ESRRG: variants seen among roughly 807,000 people sequenced by gnomAD.
ESRRG encodes estrogen related receptor gamma.
In ESRRG, 13 loss-of-function variants were observed where a neutral mutation model predicts 44.0. That is an observed-to-expected ratio of 0.30 (90% confidence interval 0.19 to 0.47). The LOEUF is 0.47. Among genes scored for constraint, ESRRG ranks in the 20% least tolerant of loss-of-function variants. ESRRG has a pLI of 1.00. For synonymous variants in ESRRG, 215 were observed against 214.6 expected (o/e 1.00, Z -0.02); for missense variants, 395 against 580.6 (o/e 0.68, Z 3.29).
chr1:216,819,238 A>T (rs1461523555), intron 2 of ESRRG, among the ~76,000 whole-genome samples: 1 of 152,164 alleles, frequency 6.6e-6, no homozygotes, highest in Non-Finnish European at 1.5e-5. Context: ...CCACAACCAC[A>T]ACTCGCCAGC....
At chr1:217,129,740 A>G (rs1313040047) in intron 1 of ESRRG, among the ~76,000 whole-genome samples, 1 of 152,166 alleles carries the variant, frequency 6.6e-6, no homozygotes, top group Non-Finnish European at 1.5e-5. Context: ...CCAACTATAA[A>G]ATGTCCAGAA....
At chr1:216,580,335 G>A (rs1311880002) in intron 3 of ESRRG, among the ~76,000 whole-genome samples, 1 of 151,906 alleles carries the variant, frequency 6.6e-6, no homozygotes, top group African/African-American at 2.4e-5. Context: ...ATGCACCAGT[G>A]TACAGTAAAT....
At chr1:216,934,119 C>T (rs1391133590) in intron 2 of ESRRG, among the ~76,000 whole-genome samples, 1 of 152,158 alleles carries the variant, frequency 6.6e-6, no homozygotes, top group Non-Finnish European at 1.5e-5. Context: ...GTGTATTAGT[C>T]TGTTCTCACG....
chr1:216,938,722 C>T (rs1040958603), intron 2 of ESRRG, among the ~76,000 whole-genome samples: 45 of 152,308 alleles, frequency 3.0e-4, no homozygotes, highest in African/African-American at 1.0e-3. Flanking sequence ...CTACTCTGCA[C>T]TGGCCTCTGC....
chr1:216,817,147 C>T (rs1015351601), intron 2 of ESRRG, among the ~76,000 whole-genome samples: 1 of 151,634 alleles, frequency 6.6e-6, no homozygotes, highest in Non-Finnish European at 1.5e-5. Context: ...ACCCTAAACA[C>T]ACATTCAAAT....
upstream of ESRRG, among the ~76,000 whole-genome samples, chr1:216,728,415 C>T (rs948023179): frequency 4.0e-5 from 6 of 151,650 alleles, no homozygotes; most frequent in African/African-American, 1.5e-4. Flanking sequence ...GGACAAAATC[C>T]CTGTTTTTAA....
intron 2 of ESRRG, among the ~76,000 whole-genome samples, chr1:216,735,246 T>A (rs1306128255): frequency 6.6e-6 from 1 of 151,648 alleles, no homozygotes; most frequent in Non-Finnish European, 1.5e-5. Flanking sequence ...TCTGGCTCTG[T>A]CACCCAGGCT....
intron 2 of ESRRG, among the ~76,000 whole-genome samples, chr1:216,656,895 G>A (rs1399419687): frequency 6.6e-6 from 1 of 152,104 alleles, no homozygotes; most frequent in Non-Finnish European, 1.5e-5. Flanking sequence ...TCCAAGTGGG[G>A]TTTATCCAGT....
intron 2 of ESRRG, among the ~76,000 whole-genome samples, chr1:216,873,457 C>G (rs577693824): frequency 6.6e-6 from 1 of 152,026 alleles, no homozygotes; most frequent in South Asian, 2.1e-4. Context: ...GGTGATCCAC[C>G]TGCCTCAGTC....
intron 2 of ESRRG, among the ~76,000 whole-genome samples, chr1:216,883,152 C>T (rs1448602198): frequency 6.6e-5 from 10 of 151,978 alleles, no homozygotes; most frequent in Admixed American, 5.2e-4. Context: ...CCGAGGCAGG[C>T]GTATCATCTG....
intron 1 of ESRRG, among the ~76,000 whole-genome samples, chr1:216,966,012 A>G (rs1322849485): frequency 1.3e-5 from 2 of 152,156 alleles, no homozygotes; most frequent in African/African-American, 4.8e-5. Flanking sequence ...TGCGCTCCAA[A>G]ATGATACTGA....
intron 1 of ESRRG, among the ~76,000 whole-genome samples, chr1:216,976,523 A>C (rs2072945583): frequency 6.6e-6 from 1 of 152,176 alleles, no homozygotes; most frequent in South Asian, 2.1e-4. Context: ...TTCATAACCC[A>C]GTGTCTCCAT....
At chr1:217,111,149 A>T (rs2102461069) in intron 1 of ESRRG, among the ~76,000 whole-genome samples, 1 of 152,328 alleles carries the variant, frequency 6.6e-6, no homozygotes, top group South Asian at 2.1e-4. Context: ...ACTGGGGACC[A>T]GGAGCCCAGG....
rs2576242 is a variant in ESRRG at position 216,921,776 on chromosome 1, C to T, written c.-14+17806G>A. ...ACTCCTTCCACTGGAATAAAAACTTCAGGAGGGCAGCAATTTGTATTAATT... is the reference window on the plus strand; with the variant it reads ...ACTCCTTCCACTGGAATAAAAACTTTAGGAGGGCAGCAATTTGTATTAATT... On this transcript the variant is annotated intron_variant, in intron 2 of 7. Transcript: ENST00000359162. Among the ~76,000 whole-genome samples the T allele has an allele frequency of 8.1e-3, 1,229 of 152,288 alleles. 18 individuals carry two copies. Among genetic ancestry groups the T allele is most frequent in the African/African-American group, 0.028 (1,164 of 41,548 alleles).
intron 2 of ESRRG, among the ~76,000 whole-genome samples, chr1:216,731,943 G>A (rs2088864055): frequency 6.6e-6 from 1 of 151,832 alleles, no homozygotes; most frequent in African/African-American, 2.4e-5. Context: ...GAATAGACAT[G>A]GATTAATTCA....
chr1:216,813,580 A>T (rs2813674), intron 2 of ESRRG, among the ~76,000 whole-genome samples: 2 of 152,058 alleles, frequency 1.3e-5, no homozygotes, highest in Non-Finnish European at 2.9e-5. Context: ...GAAAATTAAG[A>T]TTCAATTCTT....
chr1:217,024,249 T>C lies in ESRRG; in HGVS notation c.-106+65258A>G, dbSNP rs1442546045. On this transcript the variant is annotated intron_variant, in intron 1 of 7. Transcript: ENST00000359162. ...GGTGGGTGCCTGTAGTCCCAGCTAC[T>C]CGGGAGGCTGAGGCAGGAGAATGGC... Among the ~76,000 whole-genome samples, 3 of 151,794 alleles carry C rather than the reference T, an allele frequency of 2.0e-5. No individual in the cohort carries two copies. In the East Asian group the frequency reaches 5.8e-4, roughly 29 times the overall value.
intron 1 of ESRRG, among the ~76,000 whole-genome samples, chr1:216,983,636 T>C (rs1165513161): frequency 1.3e-5 from 2 of 151,988 alleles, no homozygotes; most frequent in Non-Finnish European, 2.9e-5. Flanking sequence ...GTTGTTATAC[T>C]AGAATTTTAA....
At chr1:217,095,412 G>A (rs2092408722) in intron 1 of ESRRG, among the ~76,000 whole-genome samples, 1 of 152,240 alleles carries the variant, frequency 6.6e-6, no homozygotes, top group Non-Finnish European at 1.5e-5. Context: ...AAGTCTCTGT[G>A]TGCTAAGCAA....
Sources: allele counts gnomAD v4.1 joint callset (sites outside exome capture counted in the v4.1 genomes callset), GRCh38; gene constraint gnomAD v4.1.1; transcripts MANE v1.5; gene names NCBI Gene and HGNC (gene_info 2026-07-23, HGNC 2026-07-21).